KMT2C: variants seen among roughly 807,000 people sequenced by gnomAD.
The protein encoded by KMT2C is lysine methyltransferase 2C.
Under a neutral mutation model 507.9 loss-of-function variants are expected in KMT2C, and 88 were observed. The observed-to-expected ratio is 0.17, with a 90% CI of 0.15 to 0.21. The LOEUF is 0.21. Ranked by LOEUF, KMT2C falls within the 10% of genes least tolerant of loss-of-function variation. The probability of loss-of-function intolerance (pLI) is 1.00; values close to 1 mark genes in which losing one functional copy is unlikely to be tolerated. For missense variants in KMT2C, 4,954 were observed against 5,957.8 expected (o/e 0.83, Z 5.55); for synonymous variants, 2,049 against 2,080.8 (o/e 0.98, Z 0.42).
chr7:152,318,153 A>G lies in KMT2C; in HGVS notation c.390-2815T>C, dbSNP rs73485203. 1.8e-3 allele frequency among the ~76,000 whole-genome samples: 271 copies of G among 152,078 alleles called. 1 individual carries two copies. The highest frequency in any genetic ancestry group is 6.2e-3 in the African/African-American group (259 of 41,442). Reference sequence around the variant, plus strand: ...ACTCCACCTCAAAAACAAATAAAAGAAAGAAAAAACATATATACAGTGACT... The same window carrying G: ...ACTCCACCTCAAAAACAAATAAAAGGAAGAAAAAACATATATACAGTGACT... On this transcript the variant is annotated intron_variant, in intron 3 of 58. Coordinates refer to ENST00000262189, the MANE Select transcript of KMT2C (RefSeq NM_170606.3).
intron 39 of KMT2C, among the ~76,000 whole-genome samples, chr7:152,173,856 TGAGTA>T (rs748799705): frequency 7.2e-5 from 11 of 152,242 alleles, no homozygotes; most frequent in Non-Finnish European, 1.2e-4. Flanking sequence ...TACTTTGACT[TGAGTA>T]ATCAGGAAAT....
chr7:152,229,789 T>A (rs1268536333), intron 18 of KMT2C, 134 bp downstream of exon 18: 5 of 401,770 alleles, frequency 1.2e-5, no homozygotes, highest in Non-Finnish European at 2.3e-5. Context: ...AAAAGCAGTA[T>A]TTTAAGTATT....
rs770722556 is a variant in KMT2C, at chr7:152,181,711, G to A, written c.6149C>T (p.Pro2050Leu). Residue 2050 changes from proline (P) to leucine (L), a missense_variant, in exon 36 of 59, where the codon CCT becomes CTT. Pro to Leu is a moderately conservative substitution (Grantham distance 98). Coordinates refer to ENST00000262189, the MANE Select transcript of KMT2C (RefSeq NM_170606.3). ...PGPFKTPMQP[P>L]PSSQDPYGSV... ...TCCATAAGGATCCTGAGAGGATGGA[G>A]GAGGTTGCATTGGAGTCTTAAAAGG... 1.6e-5 allele frequency: 26 copies of A among 1,614,046 alleles called. No homozygotes were observed. In the East Asian group the frequency reaches 2.9e-4, roughly 18 times the overall value.
chr7:152,355,374 A>G (rs758009185), intron 2 of KMT2C, among the ~76,000 whole-genome samples: 4 of 152,150 alleles, frequency 2.6e-5, no homozygotes, highest in Non-Finnish European at 5.9e-5. Flanking sequence ...TGAAAGATAC[A>G]GGTTGTGTTC....
At chr7:152,384,189 C>G (rs1465946560) in intron 1 of KMT2C, among the ~76,000 whole-genome samples, 1 of 152,146 alleles carries the variant, frequency 6.6e-6, no homozygotes, top group Non-Finnish European at 1.5e-5. Flanking sequence ...AAGAGTTCCA[C>G]AGTTTGTTCC....
intron 12 of KMT2C, among the ~76,000 whole-genome samples, chr7:152,250,156 TTC>T (rs796096060): frequency 7.9e-5 from 12 of 152,340 alleles, no homozygotes; most frequent in African/African-American, 2.9e-4. Flanking sequence ...AATTGTCTTT[TTC>T]TCTTTTTCTT....
intron 23 of KMT2C, among the ~76,000 whole-genome samples, chr7:152,207,908 G>A (rs772382432): frequency 9.2e-5 from 14 of 152,122 alleles, no homozygotes; most frequent in Non-Finnish European, 2.1e-4. Context: ...AGAAGACAGA[G>A]GCCTGGAAGA....
chr7:152,276,403 A>G (rs1343150599), intron 6 of KMT2C, among the ~76,000 whole-genome samples: 4 of 152,326 alleles, frequency 2.6e-5, no homozygotes, highest in Admixed American at 2.0e-4. Flanking sequence ...TAAGTAATAT[A>G]TAATACATAA....
At chr7:152,143,249 T>C (rs1357735970) in intron 55 of KMT2C, among the ~76,000 whole-genome samples, 1 of 152,156 alleles carries the variant, frequency 6.6e-6, no homozygotes, top group Non-Finnish European at 1.5e-5. Flanking sequence ...GATACTCCAC[T>C]CATAATGTAA....
chr7:152,419,787 T>C (rs992496227), intron 1 of KMT2C, among the ~76,000 whole-genome samples: 1 of 152,254 alleles, frequency 6.6e-6, no homozygotes, highest in Non-Finnish European at 1.5e-5. Flanking sequence ...TCATCTTTCA[T>C]TTGTAAAACG....
At chr7:152,300,123 C>A (rs533339519) in intron 6 of KMT2C, among the ~76,000 whole-genome samples, 1 of 152,278 alleles carries the variant, frequency 6.6e-6, no homozygotes, top group African/African-American at 2.4e-5. Flanking sequence ...ATATACTATA[C>A]AACACTCTTA....
chr7:152,321,348 T>G (rs763741151), intron 3 of KMT2C, among the ~76,000 whole-genome samples: 4 of 151,716 alleles, frequency 2.6e-5, no homozygotes, highest in Non-Finnish European at 4.4e-5. Context: ...ATGAAAATAC[T>G]GAATATAAAA....
At chr7:152,396,508 A>G (rs1282161364) in intron 1 of KMT2C, among the ~76,000 whole-genome samples, 3 of 152,208 alleles carry the variant, frequency 2.0e-5, no homozygotes, top group Non-Finnish European at 4.4e-5. Flanking sequence ...TTATTATGAA[A>G]GGCTCCATAA....
chr7:152,256,462 T>C (rs540470593), intron 9 of KMT2C, among the ~76,000 whole-genome samples: 1 of 152,188 alleles, frequency 6.6e-6, no homozygotes, highest in South Asian at 2.1e-4. Flanking sequence ...CTCGGGAGGC[T>C]GAGGCAGGAA....
At chr7:152,243,508 G>A (rs542148630) in intron 14 of KMT2C, among the ~76,000 whole-genome samples, 3 of 152,286 alleles carry the variant, frequency 2.0e-5, no homozygotes, top group East Asian at 1.9e-4. Context: ...TAGGCTGGGC[G>A]TGGTGGCTCA....
chr7:152,205,120 G>C lies in KMT2C; in HGVS notation c.3947C>G (p.Pro1316Arg), dbSNP rs1220418472. The C allele has an allele frequency of 6.2e-7, 1 of 1,611,680 alleles. No homozygotes were observed. The change falls in exon 25 of 59, where the codon CCT (proline) becomes CGT (arginine). Residue 1316 changes from proline to arginine, a missense_variant. Physicochemically the swap from Pro to Arg is moderately radical, Grantham distance 103. Transcript: ENST00000262189. Reference protein sequence around the residue: ...DSSGSISEQLPCRDDGWSEQL... With the variant: ...DSSGSISEQLRCRDDGWSEQL... ...CAGTACTATACCATCATCTCTGCAA[G>C]GTAACTGCTCGGAAATAGAGCCTGA...
chr7:152,429,295 A>C (rs978374762), intron 1 of KMT2C, among the ~76,000 whole-genome samples: 2 of 152,296 alleles, frequency 1.3e-5, no homozygotes, highest in African/African-American at 2.4e-5. Flanking sequence ...AAGACTTGTT[A>C]AACAATTTTA....
intron 6 of KMT2C, among the ~76,000 whole-genome samples, chr7:152,299,047 C>T (rs1387399306): frequency 2.0e-5 from 3 of 152,098 alleles, no homozygotes; most frequent in South Asian, 2.1e-4. Context: ...AGGCTGGGCA[C>T]GGTGGCTCAC....
chr7:152,174,101 C>G, intron 39 of KMT2C, 30 bp downstream of exon 39: 1 of 1,135,136 alleles, frequency 8.8e-7, no homozygotes, highest in Non-Finnish European at 1.3e-6. Flanking sequence ...GTCTAGATGC[C>G]CAGTAGAAAC....
Sources: allele counts gnomAD v4.1 joint callset (sites outside exome capture counted in the v4.1 genomes callset), GRCh38; gene constraint gnomAD v4.1.1; transcripts MANE v1.5; gene names NCBI Gene and HGNC (gene_info 2026-07-23, HGNC 2026-07-21).